ZNF713: variants seen among roughly 807,000 people sequenced by gnomAD.
The protein encoded by ZNF713 is zinc finger protein 713.
ZNF713 carries 21 observed loss-of-function variants against 28.7 expected under a neutral mutation model. That is an observed-to-expected ratio of 0.73 (90% CI 0.52 to 1.05). The LOEUF (loss-of-function observed/expected upper bound fraction) is 1.05. Ranked by LOEUF, ZNF713 falls within the 50% of genes least tolerant of loss-of-function variation. The pLI is 0.00. For synonymous variants in ZNF713, 167 were observed against 178.0 expected, an observed-to-expected ratio of 0.94 and a Z score of 0.49; for missense variants, 458 against 532.4, an observed-to-expected ratio of 0.86 and a Z score of 1.37.
chr7:55,898,075 A>G (rs1785506657), intron 1 of ZNF713, among the ~76,000 whole-genome samples: 1 of 152,212 alleles, frequency 6.6e-6, no homozygotes. Context: ...GGTTGAAGAT[A>G]GAGTTAATCA....
rs962606844 is a variant in ZNF713, at chr7:55,923,244, A to T, written c.170A>T (p.Tyr57Phe). The T allele has an allele frequency of 6.2e-7, 1 of 1,613,892 alleles. No homozygotes were observed. The highest frequency in any genetic ancestry group is 1.3e-5 in the African/African-American group (1 of 75,024). ...CTGTACCCTGCCCAAAAGAACCTCT[A>T]TCGAGACGTGATGCTGGAGAACTAC... The part of the protein sequence containing the change: ...DQLYPAQKNL[Y>F]RDVMLENYRN... The change falls in exon 5 of 7, where the codon TAT becomes TTT. Residue 57 changes from tyrosine to phenylalanine, a missense_variant. Physicochemically the swap from Tyr to Phe is conservative, Grantham distance 22. Coordinates refer to ENST00000429591, the MANE Select transcript of ZNF713 (RefSeq NM_182633.3).
chr7:55,912,525 T>C (rs1166570757), intron 3 of ZNF713, 110 bp from the exon 4 acceptor site: 6 of 727,018 alleles, frequency 8.3e-6, no homozygotes, highest in Non-Finnish European at 1.4e-5. Context: ...TAGGCTTATG[T>C]CTTAGAGGGC....
intron 1 of ZNF713, among the ~76,000 whole-genome samples, chr7:55,902,582 T>C (rs924203083): frequency 3.3e-5 from 5 of 152,124 alleles, no homozygotes; most frequent in African/African-American, 1.2e-4. Context: ...AACAGGGAGG[T>C]GGTCTCTCAG....
chr7:55,941,947 A>G lies in ZNF713; in HGVS notation c.*1941A>G, dbSNP rs570091770. On this transcript the variant is annotated 3_prime_UTR_variant, in exon 7 of 7. Coordinates refer to ENST00000429591, the MANE Select transcript of ZNF713 (RefSeq NM_182633.3). Reference sequence around the variant, plus strand: ...TTGATGAACTTTGAAATATTGATTCAGAGAAGTCTGCTTTTCTATTTTGTT... The same window carrying G: ...TTGATGAACTTTGAAATATTGATTCGGAGAAGTCTGCTTTTCTATTTTGTT... 1 of 152,348 alleles carries G rather than the reference A, an allele frequency of 6.6e-6. No homozygotes were observed. Among genetic ancestry groups the G allele is most frequent in the African/African-American group, 2.4e-5 (1 of 41,588 alleles). The allele number at this position is 152,348 out of a possible 1,614,324, so 9.4% of individuals were successfully genotyped here. A position where few individuals can be genotyped will look rare whatever the true frequency, so the allele number is the denominator to read the frequency against.
Position 55,940,776 on chromosome 7 carries a change from C to G in ZNF713, c.*770C>G, listed in dbSNP as rs1365632586. 6.8e-6 allele frequency: 1 copy of G among 147,690 alleles called. No homozygotes were observed. The highest frequency in any genetic ancestry group is 1.4e-5 in the Non-Finnish European group (1 of 69,082). 9.1% of individuals were successfully genotyped at this position (147,690 alleles called of 1,614,324 possible). On this transcript the variant is annotated 3_prime_UTR_variant, in exon 7 of 7. Transcript: ENST00000429591. ...AAGAAAGAAAGCCTATAGGCAACAA[C>G]TTGTAATTACTCACCTGTAAGTTTT...
At chr7:55,914,845 G>A (rs1481599129) in intron 4 of ZNF713, among the ~76,000 whole-genome samples, 1 of 139,912 alleles carries the variant, frequency 7.1e-6, no homozygotes, top group South Asian at 2.2e-4. Context: ...GATTCATTTG[G>A]TTTATTTTAT....
intron 1 of ZNF713, among the ~76,000 whole-genome samples, chr7:55,897,227 T>C (rs142365922): frequency 5.3e-5 from 8 of 151,852 alleles, no homozygotes; most frequent in Non-Finnish European, 7.4e-5. Flanking sequence ...AAGCAAGATA[T>C]GTACATAGTC....
At chr7:55,888,231 A>G (rs116017282) in intron 1 of ZNF713, among the ~76,000 whole-genome samples, 3 of 151,968 alleles carry the variant, frequency 2.0e-5, no homozygotes, top group African/African-American at 4.8e-5. Context: ...TCTGTATTTC[A>G]TTGAGTATGA....
At chr7:55,896,548 A>G (rs144208254) in intron 1 of ZNF713, among the ~76,000 whole-genome samples, 35 of 152,010 alleles carry the variant, frequency 2.3e-4, no homozygotes, top group African/African-American at 8.2e-4. Context: ...TTAGATTGGA[A>G]TCAGATATCA....
At chr7:55,928,711 A>G (rs1436285247) in intron 6 of ZNF713, among the ~76,000 whole-genome samples, 2 of 152,254 alleles carry the variant, frequency 1.3e-5, no homozygotes, top group South Asian at 2.1e-4. Flanking sequence ...ATAAACTTCA[A>G]CAAGAGATAT....
At chr7:55,890,977 C>T (rs1341500498) in intron 1 of ZNF713, among the ~76,000 whole-genome samples, 1 of 140,124 alleles carries the variant, frequency 7.1e-6, no homozygotes. Context: ...GCCTGGACGA[C>T]AGAGTGAGAC....
At chr7:55,888,996 G>GAGCC (rs968391589) in intron 1 of ZNF713, among the ~76,000 whole-genome samples, 8 of 152,034 alleles carry the variant, frequency 5.3e-5, no homozygotes, top group African/African-American at 1.9e-4. Context: ...AGGTTGCAGT[G>GAGCC]AGCCAGTCAC....
intron 1 of ZNF713, among the ~76,000 whole-genome samples, chr7:55,905,061 T>G (rs1011006580): frequency 1.3e-5 from 2 of 152,184 alleles, no homozygotes; most frequent in African/African-American, 2.4e-5. Flanking sequence ...TCTCTTCACT[T>G]TCTTCCCTAT....
chr7:55,906,624 C>A (rs745868917), intron 2 of ZNF713, among the ~76,000 whole-genome samples: 1 of 152,034 alleles, frequency 6.6e-6, no homozygotes, highest in African/African-American at 2.4e-5. Flanking sequence ...AAGGGATTGG[C>A]AGTGTGGCAC....
chr7:55,916,291 T>A (rs1319364641), intron 4 of ZNF713, among the ~76,000 whole-genome samples: 4 of 152,242 alleles, frequency 2.6e-5, no homozygotes, highest in African/African-American at 2.4e-5. Context: ...ATTCTAGCCA[T>A]CCTGGCCTCA....
intron 1 of ZNF713, among the ~76,000 whole-genome samples, chr7:55,897,240 TTTTC>T (rs977131309): frequency 1.1e-4 from 16 of 151,798 alleles, no homozygotes; most frequent in African/African-American, 2.4e-4. Flanking sequence ...ACATAGTCTT[TTTTC>T]TTTCTTTTTT....
At chr7:55,892,577 A>AAAAAAAG (rs1785405438) in intron 1 of ZNF713, among the ~76,000 whole-genome samples, 1 of 150,190 alleles carries the variant, frequency 6.7e-6, no homozygotes, top group Non-Finnish European at 1.5e-5. Context: ...AAAAAAAAAA[A>AAAAAAAG]ACAAAGCAGA....
chr7:55,938,093 C>A (rs940001883), intron 6 of ZNF713, among the ~76,000 whole-genome samples: 4 of 151,762 alleles, frequency 2.6e-5, no homozygotes, highest in African/African-American at 9.7e-5. Context: ...AATCCCAGCT[C>A]CTCGGGAGGC....
Position 55,918,075 on chromosome 7 carries a change from G to A in ZNF713, c.88-5087G>A, listed in dbSNP as rs371460273. On this transcript the variant is annotated intron_variant, in intron 4 of 6. Transcript: ENST00000429591. ...ATCTGTGTGCTCTCCATTGGATCTC[G>A]GCAAGGCTGTGACTGGAGGATGCAA... The A allele has an allele frequency of 1.2e-4, 53 of 456,064 alleles. No homozygotes were observed. The East Asian group carries it at 1.6e-3, about 14-fold the overall frequency. 28.3% of individuals were successfully genotyped at this position (456,064 alleles called of 1,614,324 possible). A position where few individuals can be genotyped will look rare whatever the true frequency, so the allele number is the denominator to read the frequency against.
Sources: gnomAD v4.1 joint callset for allele counts (sites outside exome capture counted in the v4.1 genomes callset) on GRCh38, gnomAD v4.1.1 for gene constraint, MANE v1.5 for transcripts, NCBI Gene and HGNC (gene_info 2026-07-23, HGNC 2026-07-21) for gene names.